Variants in INPP5J observed in about 807,000 individuals in gnomAD.
The protein encoded by INPP5J is phosphatidylinositol 4,5-bisphosphate 5-phosphatase A.
INPP5J carries 75 observed loss-of-function variants against 86.6 expected under a neutral mutation model. The ratio of observed to expected loss-of-function variants is 0.87; its 90% CI spans 0.72 to 1.05. The LOEUF is 1.05. INPP5J is among the 50% of genes least tolerant of loss of function. The pLI, the probability that INPP5J is intolerant of heterozygous loss-of-function variation, is 0.00. For synonymous variants in INPP5J, 540 were observed against 550.0 expected (o/e 0.98, Z 0.25); for missense variants, 1,229 against 1,341.2 (o/e 0.92, Z 1.31).
At chr22:31,129,218 C>T (rs1213968245) in intron 9 of INPP5J, among the ~76,000 whole-genome samples, 1 of 141,302 alleles carries the variant, frequency 7.1e-6, no homozygotes, top group Admixed American at 7.4e-5. Flanking sequence ...GCGTGAGCTA[C>T]CGTGTCTGGC....
Position 31,126,430 on chromosome 22 carries a change from ATCCCTCCTCCACCTGGGCGG to A in INPP5J, c.1328_1347del (p.Ser443TrpfsTer2), listed in dbSNP as rs1921430981. ...CTGCCATGCCCCCAGACGATGTCAC[ATCCCTCCTCCACCTGGGCGG>A]TGGTGACGACAGCGACGGCGCAGAC... On this transcript the variant is annotated frameshift_variant, in exon 3 of 13. Transcript: ENST00000331075. LOFTEE classifies it high-confidence loss of function. 6.2e-7 allele frequency: 1 copy of A among 1,613,702 alleles called. No homozygotes were observed. Among genetic ancestry groups the A allele is most frequent in the African/African-American group, 1.3e-5 (1 of 74,904 alleles).
At chr22:31,124,232 G>C (rs779517120) in intron 1 of INPP5J, 21 of 985,796 alleles carry the variant, frequency 2.1e-5, no homozygotes, top group Non-Finnish European at 2.2e-5. Context: ...TCAGCTCCCA[G>C]CTCTTGCTCC....
At chr22:31,128,124 T>G in intron 7 of INPP5J, 62 bp downstream of exon 7, 1 of 1,459,518 alleles carries the variant, frequency 6.9e-7, no homozygotes, top group Non-Finnish European at 9.5e-7. Flanking sequence ...TACCTTAGAC[T>G]ATGGTCCCTG....
intron 9 of INPP5J, among the ~76,000 whole-genome samples, chr22:31,129,181 T>C (rs7292168): frequency 0.77 from 111,574 of 144,686 alleles, 43,628 homozygotes; most frequent in South Asian, 0.94. Context: ...CCACCCACCT[T>C]GGCCTCCCAA....
intron 9 of INPP5J, among the ~76,000 whole-genome samples, chr22:31,131,957 T>A (rs1229236384): frequency 6.6e-6 from 1 of 152,212 alleles, no homozygotes; most frequent in Non-Finnish European, 1.5e-5. Flanking sequence ...TGGCAACAAC[T>A]CAGTCCTTCC....
chr22:31,125,410 C>T lies in INPP5J; in HGVS notation c.671C>T (p.Ala224Val), dbSNP rs959229429. The T allele has an allele frequency of 6.4e-7, 1 of 1,550,646 alleles. No individual in the cohort carries two copies. Among genetic ancestry groups the T allele is most frequent in the Non-Finnish European group, 8.7e-7 (1 of 1,146,976 alleles). The change falls in exon 2 of 13, where the codon GCA (alanine) becomes GTA (valine). Residue 224 changes from alanine to valine, a missense_variant. Transcript: ENST00000331075. ...CAGGCCCTGGCTCCAGCATCCACGG[C>T]ATCAGGCGCAGCCTCTGTGGGACAG... The part of the protein sequence containing the change: ...QEQALAPAST[A>V]SGAASVGQTS...
chr22:31,134,468 T>C lies in INPP5J; in HGVS notation c.*49T>C. On this transcript the variant is annotated 3_prime_UTR_variant, in exon 13 of 13. Coordinates refer to ENST00000331075, the MANE Select transcript of INPP5J (RefSeq NM_001284285.2). Reference sequence around the variant, plus strand: ...AGGTGACCACCATTCTGCCTCAATCTTTTGCAAGCCCACCTGCCTCTCTCC... The same window carrying C: ...AGGTGACCACCATTCTGCCTCAATCCTTTGCAAGCCCACCTGCCTCTCTCC... 7.0e-7 allele frequency: 1 copy of C among 1,420,256 alleles called. No individual in the cohort carries two copies. Among genetic ancestry groups the C allele is most frequent in the Non-Finnish European group, 9.2e-7 (1 of 1,086,876 alleles). 88.0% of individuals were successfully genotyped at this position (1,420,256 alleles called of 1,614,324 possible).
Position 31,133,119 on chromosome 22 carries a change from C to G in INPP5J, c.2215C>G (p.Pro739Ala). The G allele has an allele frequency of 6.4e-7, 1 of 1,566,186 alleles. No individual in the cohort carries two copies. Residue 739 changes from proline to alanine, a missense_variant, in exon 10 of 13, where the codon CCA (proline) becomes GCA (alanine). Transcript: ENST00000331075. ...ACAGTTTGCCTTCAGGGACGACATG[C>G]CACTGGTGCGGCTGGAGGTGGCAGA... ...LLQFAFRDDMPLVRLEVADEW... is the reference protein window; with the variant it reads ...LLQFAFRDDMALVRLEVADEW...
At chr22:31,126,236 A>G in intron 2 of INPP5J, 140 bp from the exon 3 acceptor site, 1 of 813,430 alleles carries the variant, frequency 1.2e-6, no homozygotes, top group Admixed American at 2.6e-5. Context: ...GAGGGACAGG[A>G]TTCGGGGCCT....
chr22:31,128,983 A>G (rs567528272), intron 9 of INPP5J, among the ~76,000 whole-genome samples: 1 of 124,682 alleles, frequency 8.0e-6, no homozygotes, highest in African/African-American at 3.1e-5. Context: ...CCCAGGCTGG[A>G]GTGCAGTGGC....
At chr22:31,131,197 ACCT>A (rs1922032933) in intron 9 of INPP5J, among the ~76,000 whole-genome samples, 1 of 152,068 alleles carries the variant, frequency 6.6e-6, no homozygotes, top group Non-Finnish European at 1.5e-5. Context: ...ACAATTAGGG[ACCT>A]CACCTGAAAA....
Position 31,126,640 on chromosome 22 carries a change from C to G in INPP5J, c.1413C>G (p.Asn471Lys). The G allele has an allele frequency of 1.9e-6, 3 of 1,613,928 alleles. No homozygotes were observed. Among genetic ancestry groups the G allele is most frequent in the Non-Finnish European group, 2.5e-6 (3 of 1,179,818 alleles). Reference sequence around the variant, plus strand: ...TGCAGGAAGTGAACTCCATGCTCAACAAGCGACTCAAGGACGCCCTCTTCA... The same window carrying G: ...TGCAGGAAGTGAACTCCATGCTCAAGAAGCGACTCAAGGACGCCCTCTTCA... ...IGLQEVNSML[N>K]KRLKDALFTD... The change falls in exon 4 of 13, where the codon AAC (asparagine) becomes AAG (lysine). Residue 471 changes from asparagine to lysine, a missense_variant. By Grantham distance (94) the Asn-to-Lys change is moderately conservative (BLOSUM62 0). Coordinates refer to ENST00000331075, the MANE Select transcript of INPP5J (RefSeq NM_001284285.2).
At chr22:31,123,180 C>T (rs2147867166) in intron 1 of INPP5J, 61 bp downstream of exon 1, 2 of 1,016,770 alleles carry the variant, frequency 2.0e-6, no homozygotes, top group East Asian at 3.2e-5. Flanking sequence ...CACACCCCCC[C>T]CACATACACT....
Position 31,129,028 on chromosome 22 carries a change from G to T in INPP5J, c.2193+374G>T, listed in dbSNP as rs1230479398. 6.1e-5 allele frequency among the ~76,000 whole-genome samples: 9 copies of T among 148,582 alleles called. No individual in the cohort carries two copies. The East Asian group carries it at 1.4e-3, about 23-fold the overall frequency. Reference sequence around the variant, plus strand: ...GCTCACTGCAAGCTCCGCCTCCCGGGTTCAAGTGATTCTCCTGCCTCAGCC... The same window carrying T: ...GCTCACTGCAAGCTCCGCCTCCCGGTTTCAAGTGATTCTCCTGCCTCAGCC... On this transcript the variant is annotated intron_variant, in intron 9 of 12. Transcript: ENST00000331075.
At chr22:31,126,051 C>G in intron 2 of INPP5J, 41 bp downstream of exon 2, 1 of 1,494,326 alleles carries the variant, frequency 6.7e-7, no homozygotes, top group Non-Finnish European at 8.9e-7. Context: ...TGGGGCTTAG[C>G]TCTGAGGTTA....
At position 31,127,224 on chromosome 22, in the gene INPP5J, T is replaced by C. The variant is rs1315552953; in HGVS notation, c.1612-133T>C. On this transcript the variant is annotated intron_variant, in intron 5 of 12. Transcript: ENST00000331075. ...CCCCCGCCCTTTTCTCTCCCCACTG[T>C]GTCCCAGCGTTGTTCCTCATTTCTG... 10 of 875,670 alleles carry C rather than the reference T, an allele frequency of 1.1e-5. No homozygotes were observed. The East Asian group carries it at 2.1e-4, about 19-fold the overall frequency. The allele number at this position is 875,670 out of a possible 1,614,324, so 54.2% of individuals were successfully genotyped here.
In INPP5J at chr22:31,125,774, C is replaced by T. The variant is rs369243736; in HGVS notation, c.1035C>T (p.Pro345=). 9.0e-6 allele frequency: 14 copies of T among 1,556,346 alleles called. No individual in the cohort carries two copies. In the African/African-American group the frequency reaches 1.6e-4, roughly 18 times the overall value. The part of the protein sequence containing the change: ...QTVPPPLPKP[P]RSPSRSPSHS... Reference sequence around the variant, plus strand: ...TGCCCCCACCTCTGCCCAAGCCACCCCGATCACCCAGCCGTTCCCCAAGCC... The same window carrying T: ...TGCCCCCACCTCTGCCCAAGCCACCTCGATCACCCAGCCGTTCCCCAAGCC... The change falls in exon 2 of 13, where the codon CCC becomes CCT. Residue 345 remains proline, a synonymous_variant. Transcript: ENST00000331075.
chr22:31,127,024 T>C lies in INPP5J; in HGVS notation c.1598T>C (p.Leu533Pro). Reference protein sequence around the residue: ...DVQTDCTRTGLGGYWGNKGGV... With the variant: ...DVQTDCTRTGPGGYWGNKGGV... ...CAGACCGACTGCACGCGCACTGGCC[T>C]GGGCGGCTACTGGGTGAGCCTGTGA... Residue 533 changes from leucine to proline, a missense_variant, in exon 5 of 13, where the codon CTG (leucine) becomes CCG (proline). By Grantham distance (98) the Leu-to-Pro change is moderately conservative (BLOSUM62 -3). Transcript: ENST00000331075. 6.2e-6 allele frequency: 10 copies of C among 1,600,162 alleles called. No homozygotes were observed. Among genetic ancestry groups the C allele is most frequent in the Non-Finnish European group, 8.5e-6 (10 of 1,173,348 alleles).
In INPP5J at chr22:31,125,682, C is replaced by T. The variant is rs1312384807; in HGVS notation, c.943C>T (p.Pro315Ser). ...PLDVGQGPSE[P>S]GTHSPGLLSP... ...GGATGTGGGCCAGGGTCCTTCAGAGCCTGGCACTCACTCCCCTGGACTTCT... is the reference window on the plus strand; with the variant it reads ...GGATGTGGGCCAGGGTCCTTCAGAGTCTGGCACTCACTCCCCTGGACTTCT... Residue 315 changes from proline to serine, a missense_variant, in exon 2 of 13, where the codon CCT becomes TCT. Physicochemically the swap from Pro to Ser is moderately conservative, Grantham distance 74 (BLOSUM62 -1). Coordinates refer to ENST00000331075, the MANE Select transcript of INPP5J (RefSeq NM_001284285.2). The T allele has an allele frequency of 6.4e-7, 1 of 1,550,868 alleles. No homozygotes were observed. Among genetic ancestry groups the T allele is most frequent in the East Asian group, 2.4e-5 (1 of 40,904 alleles).
Sources: allele counts gnomAD v4.1 joint callset (sites outside exome capture counted in the v4.1 genomes callset), GRCh38; gene constraint gnomAD v4.1.1; transcripts MANE v1.5; gene names NCBI Gene and HGNC (gene_info 2026-07-23, HGNC 2026-07-21).